RBFOX3: variants seen among roughly 807,000 people sequenced by gnomAD.
RBFOX3 encodes the protein RNA binding protein fox-1 homolog 3.
A neutral mutation model predicts 48.7 loss-of-function variants in RBFOX3; 17 were observed. The observed-to-expected ratio is 0.35, with a 90% CI of 0.24 to 0.52. RBFOX3 has a LOEUF of 0.52. RBFOX3 is among the 20% of genes least tolerant of loss of function. The pLI is 0.94. For synonymous variants in RBFOX3, 212 were observed against 209.5 expected, an observed-to-expected ratio of 1.01 and a Z score of -0.10; for missense variants, 382 against 497.5, an observed-to-expected ratio of 0.77 and a Z score of 2.21.
At chr17:79,348,571 C>CTTTT (rs71358701) in intron 2 of RBFOX3, among the ~76,000 whole-genome samples, 43 of 75,164 alleles carry the variant, frequency 5.7e-4, no homozygotes, top group Non-Finnish European at 7.4e-4. Context: ...TTTTCTTTTC[C>CTTTT]TTTTTTTTTT....
chr17:79,094,777 G>C (rs573085450), intron 13 of RBFOX3, among the ~76,000 whole-genome samples: 2 of 150,846 alleles, frequency 1.3e-5, no homozygotes, highest in South Asian at 2.1e-4. Flanking sequence ...CTGACGGGGT[G>C]GGGGGAGGGG....
At chr17:79,102,109 T>C (rs1268905309) in intron 8 of RBFOX3, among the ~76,000 whole-genome samples, 1 of 152,198 alleles carries the variant, frequency 6.6e-6, no homozygotes, top group Non-Finnish European at 1.5e-5. Context: ...GAGTCCTCAA[T>C]GCTGCAGAGT....
At chr17:79,352,669 A>C (rs2084186953) in intron 2 of RBFOX3, among the ~76,000 whole-genome samples, 1 of 152,166 alleles carries the variant, frequency 6.6e-6, no homozygotes, top group Non-Finnish European at 1.5e-5. Context: ...GGTGTGGCCC[A>C]CACCTCCTAG....
chr17:79,222,842 C>T (rs1019359617), intron 4 of RBFOX3, among the ~76,000 whole-genome samples: 5 of 152,124 alleles, frequency 3.3e-5, no homozygotes, highest in South Asian at 4.1e-4. Flanking sequence ...AAGAGGTGGC[C>T]GGGCATGGGC....
intron 3 of RBFOX3, among the ~76,000 whole-genome samples, chr17:79,277,186 A>G (rs548110977): frequency 1.3e-4 from 20 of 151,368 alleles, no homozygotes; most frequent in Non-Finnish European, 2.7e-4. Context: ...CCAGGCTGCC[A>G]CTGGGTTCAG....
chr17:79,542,383 T>C (rs2089841618), intron 1 of RBFOX3, among the ~76,000 whole-genome samples: 1 of 152,188 alleles, frequency 6.6e-6, no homozygotes, highest in South Asian at 2.1e-4. Flanking sequence ...GGCGGCTCCC[T>C]AGTCCCTAGA....
chr17:79,251,707 C>T (rs746409879), intron 3 of RBFOX3, among the ~76,000 whole-genome samples: 1 of 152,190 alleles, frequency 6.6e-6, no homozygotes, highest in East Asian at 1.9e-4. Flanking sequence ...AGTGGCCAGA[C>T]GAGTCGGCTG....
chr17:79,325,409 G>A (rs1456948201), intron 2 of RBFOX3, among the ~76,000 whole-genome samples: 1 of 152,142 alleles, frequency 6.6e-6, no homozygotes, highest in African/African-American at 2.4e-5. Context: ...CTAATTTGAG[G>A]AGCCCGGCAG....
chr17:79,140,613 C>T (rs1208125000), intron 4 of RBFOX3, among the ~76,000 whole-genome samples: 6 of 152,246 alleles, frequency 3.9e-5, no homozygotes, highest in South Asian at 2.1e-4. Context: ...TCCCACAGCT[C>T]GGAAGCACAG....
chr17:79,425,382 G>C (rs1332735622), intron 2 of RBFOX3, among the ~76,000 whole-genome samples: 5 of 152,212 alleles, frequency 3.3e-5, no homozygotes, highest in African/African-American at 1.2e-4. Flanking sequence ...GGAACCCACA[G>C]TGTGTAGCCA....
At chr17:79,637,735 G>A in the RBFOX3 span, among the ~76,000 whole-genome samples, 6 of 126,984 alleles carry the variant, frequency 4.7e-5, no homozygotes, top group Non-Finnish European at 9.9e-5. Context: ...AGGGAAGGGA[G>A]GGGAGGGGAG....
intron 3 of RBFOX3, among the ~76,000 whole-genome samples, chr17:79,246,882 C>T (rs996957116): frequency 3.3e-5 from 5 of 152,024 alleles, no homozygotes; most frequent in East Asian, 1.9e-4. Context: ...GGGAGAACGG[C>T]GGAGACAGGA....
At chr17:79,094,712 G>A (rs921224528) in intron 13 of RBFOX3, among the ~76,000 whole-genome samples, 183 bp from the exon 14 acceptor site, 2 of 150,840 alleles carry the variant, frequency 1.3e-5, no homozygotes, top group Non-Finnish European at 3.0e-5. Context: ...TGTTAAGAAG[G>A]AAGCTTCTGG....
chr17:79,644,475 T>C, the RBFOX3 span, among the ~76,000 whole-genome samples: 4 of 152,196 alleles, frequency 2.6e-5, no homozygotes, highest in East Asian at 7.7e-4. Context: ...ATCTCAGCAA[T>C]GCAAGGTCTT....
intron 5 of RBFOX3, 66 bp downstream of exon 5, chr17:79,115,428 C>G: frequency 9.2e-7 from 1 of 1,083,112 alleles, no homozygotes; most frequent in Middle Eastern, 2.3e-4. Flanking sequence ...CTGGGCCACC[C>G]TTCTTCTGGG....
intron 4 of RBFOX3, among the ~76,000 whole-genome samples, chr17:79,216,486 G>A (rs1032387508): frequency 1.3e-5 from 2 of 152,166 alleles, no homozygotes; most frequent in African/African-American, 4.8e-5. Context: ...TTAGAGGTAG[G>A]ACCAGCATGA....
chr17:79,318,181 A>G (rs2077809669), intron 2 of RBFOX3, among the ~76,000 whole-genome samples: 2 of 152,128 alleles, frequency 1.3e-5, no homozygotes, highest in Non-Finnish European at 2.9e-5. Context: ...CATGAGTGGA[A>G]CAGGAGCATT....
chr17:79,415,856 T>G (rs2065264900), intron 2 of RBFOX3, among the ~76,000 whole-genome samples: 1 of 152,076 alleles, frequency 6.6e-6, no homozygotes, highest in Non-Finnish European at 1.5e-5. Flanking sequence ...GGAGAGGGAC[T>G]GCAGGGGTCT....
Position 79,112,653 on chromosome 17 carries a change from C to T in RBFOX3, c.222+2841G>A, listed in dbSNP as rs374501793. On this transcript the variant is annotated intron_variant, in intron 5 of 14. Transcript: ENST00000693108. ...CCCCCGGGCCTGGACAGGACCCTGC[C>T]GTCTAGGGGCCGGCTCTGCCACAGC... is the stretch of plus-strand genomic sequence containing the variant. Among the ~76,000 whole-genome samples, 157 of 152,126 alleles carry T rather than the reference C, an allele frequency of 1.0e-3. 4 individuals are homozygous for T. In the South Asian group the frequency reaches 0.031, roughly 30 times the overall value.
Sources: allele counts gnomAD v4.1 joint callset (sites outside exome capture counted in the v4.1 genomes callset), GRCh38; gene constraint gnomAD v4.1.1; transcripts MANE v1.5; gene names NCBI Gene and HGNC (gene_info 2026-07-23, HGNC 2026-07-21).